The following XKR6 variants were observed in gnomAD, a reference collection of about 807,000 sequenced individuals.
XKR6 encodes XK-related protein 6.
Under a neutral mutation model 56.7 loss-of-function variants are expected in XKR6, and 22 were observed. The ratio of observed to expected loss-of-function variants is 0.39; its 90% CI spans 0.28 to 0.55. XKR6 has a LOEUF of 0.55. Among genes scored for constraint, XKR6 ranks in the 20% least tolerant of loss-of-function variants. XKR6 has a pLI of 0.66. For missense variants in XKR6, 852 were observed against 889.0 expected (o/e 0.96, Z 0.53); for synonymous variants, 524 against 387.8 (o/e 1.35, Z -4.13).
chr8:10,934,818 T>C (rs900667780), intron 1 of XKR6, among the ~76,000 whole-genome samples: 33 of 150,016 alleles, frequency 2.2e-4, no homozygotes, highest in African/African-American at 7.9e-4. Flanking sequence ...TTATTGAGGA[T>C]TTTTGCATCA....
chr8:11,148,215 C>G (rs1050962954), intron 1 of XKR6, among the ~76,000 whole-genome samples: 3 of 151,992 alleles, frequency 2.0e-5, no homozygotes, highest in Non-Finnish European at 4.4e-5. Flanking sequence ...GTCTCAAAAA[C>G]AAACAGACAA....
At chr8:11,054,245 C>A (rs1166592881) in intron 1 of XKR6, among the ~76,000 whole-genome samples, 2 of 152,136 alleles carry the variant, frequency 1.3e-5, no homozygotes, top group African/African-American at 4.8e-5. Flanking sequence ...CCAAAGCAAG[C>A]CACATCTGGG....
In XKR6 at chr8:11,152,350, C is replaced by G. The variant is rs1212679505; in HGVS notation, c.764+48226G>C. ...TTCCAGAAAACATCTGGGCATGTTG[C>G]TGGCCTTATCTACGCCAGTCAAGGT... On this transcript the variant is annotated intron_variant, in intron 1 of 2. Transcript: ENST00000416569. 2.0e-5 allele frequency among the ~76,000 whole-genome samples: 3 copies of G among 152,176 alleles called. No homozygotes were observed. In the South Asian group the frequency reaches 6.2e-4, roughly 32 times the overall value.
intron 1 of XKR6, among the ~76,000 whole-genome samples, chr8:11,161,309 CCTT>C (rs1191263970): frequency 6.6e-6 from 1 of 152,202 alleles, no homozygotes; most frequent in Non-Finnish European, 1.5e-5. Flanking sequence ...GTCTTCTACT[CCTT>C]CAAGTGCCTA....
intron 1 of XKR6, among the ~76,000 whole-genome samples, chr8:11,114,629 G>A (rs1461890291): frequency 1.3e-5 from 2 of 152,138 alleles, no homozygotes; most frequent in African/African-American, 2.4e-5. Flanking sequence ...CCAAAGTGCT[G>A]GGATGACAGG....
chr8:11,090,522 A>C (rs933196811), intron 1 of XKR6, among the ~76,000 whole-genome samples: 5 of 152,218 alleles, frequency 3.3e-5, no homozygotes, highest in Non-Finnish European at 7.3e-5. Context: ...ACCAGTTTAC[A>C]TATTCAGCAG....
intron 1 of XKR6, among the ~76,000 whole-genome samples, chr8:11,146,986 G>T (rs1484372179): frequency 6.6e-6 from 1 of 151,986 alleles, no homozygotes; most frequent in Non-Finnish European, 1.5e-5. Flanking sequence ...AAATGGGGAG[G>T]TGATGGTCAA....
At chr8:11,017,315 C>G (rs1798648010) in intron 1 of XKR6, among the ~76,000 whole-genome samples, 1 of 152,222 alleles carries the variant, frequency 6.6e-6, no homozygotes, top group African/African-American at 2.4e-5. Context: ...CTGGCCAGGA[C>G]AGTACCCAGG....
At chr8:11,026,921 C>A (rs1295793750) in intron 1 of XKR6, among the ~76,000 whole-genome samples, 1 of 151,866 alleles carries the variant, frequency 6.6e-6, no homozygotes, top group Non-Finnish European at 1.5e-5. Flanking sequence ...CCTAGATAGT[C>A]TAGCCTACTA....
At chr8:11,010,288 C>G (rs1396847392) in intron 1 of XKR6, among the ~76,000 whole-genome samples, 1 of 152,178 alleles carries the variant, frequency 6.6e-6, no homozygotes, top group Non-Finnish European at 1.5e-5. Context: ...CCCACCGGGC[C>G]CCTCTTCCAA....
At chr8:10,999,524 G>C (rs1413432538) in intron 1 of XKR6, among the ~76,000 whole-genome samples, 1 of 152,126 alleles carries the variant, frequency 6.6e-6, no homozygotes, top group Non-Finnish European at 1.5e-5. Context: ...ATTTTTTCAA[G>C]AAATAAATCA....
chr8:11,136,966 G>GA (rs1800432333), intron 1 of XKR6: 1 of 151,912 alleles, frequency 6.6e-6, no homozygotes, highest in East Asian at 1.9e-4. Flanking sequence ...TCTTTTAAAA[G>GA]AAAAAAATGG....
intron 1 of XKR6, among the ~76,000 whole-genome samples, chr8:11,006,544 C>T (rs938593369): frequency 1.3e-5 from 2 of 152,200 alleles, no homozygotes; most frequent in African/African-American, 2.4e-5. Context: ...TAGAGTAAGG[C>T]ATCTGTAGAT....
intron 1 of XKR6, among the ~76,000 whole-genome samples, chr8:11,185,117 G>C (rs1230867652): frequency 6.6e-6 from 1 of 152,138 alleles, no homozygotes; most frequent in Non-Finnish European, 1.5e-5. Flanking sequence ...GCGGGTGTGA[G>C]TGTGAGTGTG....
Position 11,074,622 on chromosome 8 carries a change from T to A in XKR6, c.764+125954A>T, listed in dbSNP as rs139079875. On this transcript the variant is annotated intron_variant, in intron 1 of 2. Transcript: ENST00000416569. ...ACAAACATTCTCTGAGCACTTGGTATGTACCAGAGCAAACCCAGGCACTGG... is the reference window on the plus strand; with the variant it reads ...ACAAACATTCTCTGAGCACTTGGTAAGTACCAGAGCAAACCCAGGCACTGG... 3.2e-3 allele frequency among the ~76,000 whole-genome samples: 480 copies of A among 152,306 alleles called. 2 individuals carry two copies. Among genetic ancestry groups the A allele is most frequent in the African/African-American group, 0.011 (452 of 41,574 alleles).
At chr8:10,927,356 G>A (rs1045602643) in intron 1 of XKR6, among the ~76,000 whole-genome samples, 1 of 152,096 alleles carries the variant, frequency 6.6e-6, no homozygotes, top group African/African-American at 2.4e-5. Context: ...TGCCCCCTGT[G>A]ACCCAAACCC....
At chr8:10,984,922 G>C (rs1168817861) in intron 1 of XKR6, among the ~76,000 whole-genome samples, 1 of 151,364 alleles carries the variant, frequency 6.6e-6, no homozygotes, top group Non-Finnish European at 1.5e-5. Flanking sequence ...AAAACCAATG[G>C]ATTGTGGGTT....
rs1800017042 is a variant in XKR6, at chr8:10,900,861, T to TTTA, written c.962-1946_962-1945insTAA. Among the ~76,000 whole-genome samples, 3 of 147,440 alleles carry TTTA rather than the reference T, an allele frequency of 2.0e-5. No homozygotes were observed. The South Asian group carries it at 6.6e-4, about 32-fold the overall frequency. On this transcript the variant is annotated intron_variant, in intron 2 of 2. Transcript: ENST00000416569. ...GGGCAGAGGATGTGCAATTACCTTT[T>TTTA]TTTTTTTTTTTGAGACAGGGTTTTA...
intron 1 of XKR6, among the ~76,000 whole-genome samples, chr8:11,149,419 T>C (rs937050911): frequency 2.0e-5 from 3 of 152,238 alleles, no homozygotes; most frequent in Non-Finnish European, 1.5e-5. Context: ...ATATGTGGTC[T>C]GCTGTACACC....
Sources: allele counts gnomAD v4.1 joint callset (sites outside exome capture counted in the v4.1 genomes callset), GRCh38; gene constraint gnomAD v4.1.1; transcripts MANE v1.5; gene names NCBI Gene and HGNC (gene_info 2026-07-23, HGNC 2026-07-21).